Variants in LRRFIP2 observed in about 807,000 individuals in gnomAD.
LRRFIP2 encodes LRR binding FLII interacting protein 2.
A neutral mutation model predicts 125.9 loss-of-function variants in LRRFIP2; 109 were observed. The observed-to-expected ratio is 0.87, with a 90% CI of 0.74 to 1.01. The LOEUF is 1.01. LRRFIP2 is among the 50% of genes least tolerant of loss of function. LRRFIP2 has a pLI of 0.00. For missense variants in LRRFIP2, 850 were observed against 862.3 expected (o/e 0.99, Z 0.18); for synonymous variants, 291 against 293.1 (o/e 0.99, Z 0.07).
chr3:37,133,919 C>G (rs1286779922), intron 2 of LRRFIP2, among the ~76,000 whole-genome samples: 1 of 151,992 alleles, frequency 6.6e-6, no homozygotes, highest in East Asian at 1.9e-4. Context: ...TGATATGACC[C>G]CAACTGTTAT....
intron 15 of LRRFIP2, among the ~76,000 whole-genome samples, chr3:37,097,169 G>C (rs981383821): frequency 6.9e-6 from 1 of 145,438 alleles, no homozygotes. Flanking sequence ...AGGATTTTTT[G>C]TTTTCTCAGT....
chr3:37,113,359 G>C (rs2094626750), intron 7 of LRRFIP2, among the ~76,000 whole-genome samples: 1 of 152,056 alleles, frequency 6.6e-6, no homozygotes, highest in African/African-American at 2.4e-5. Flanking sequence ...CCAGACAGGG[G>C]TATAGTGGTA....
At chr3:37,083,043 C>G (rs2149045124) in intron 19 of LRRFIP2, among the ~76,000 whole-genome samples, 1 of 152,192 alleles carries the variant, frequency 6.6e-6, no homozygotes, top group South Asian at 2.1e-4. Context: ...TTAAAAGAAT[C>G]CAATTTGTTT....
At chr3:37,076,935 C>T (rs552957957) in intron 19 of LRRFIP2, among the ~76,000 whole-genome samples, 13 of 152,068 alleles carry the variant, frequency 8.5e-5, no homozygotes, top group African/African-American at 2.6e-4. Context: ...GCTACGGAAA[C>T]GGACAGTTTA....
chr3:37,146,985 C>T (rs1466076280), intron 2 of LRRFIP2, among the ~76,000 whole-genome samples: 2 of 151,874 alleles, frequency 1.3e-5, no homozygotes, highest in Non-Finnish European at 2.9e-5. Flanking sequence ...GGTCTAATAT[C>T]CAGAATCTAC....
intron 14 of LRRFIP2, among the ~76,000 whole-genome samples, chr3:37,104,507 T>A (rs2094221533): frequency 6.6e-6 from 1 of 152,236 alleles, no homozygotes. Flanking sequence ...CATTTAATGT[T>A]CCCCTTCTCT....
chr3:37,094,820 T>A lies in LRRFIP2; in HGVS notation c.1007A>T (p.Asp336Val). ...RGSGDTSSLI[D>V]PDTSLSELRD... is the part of the protein sequence containing the mutation. ...CAATTCACTTAATGAAGTGTCTGGATCTATTAAGCTGCTGGTGTCCCCACT... is the reference window on the plus strand; with the variant it reads ...CAATTCACTTAATGAAGTGTCTGGAACTATTAAGCTGCTGGTGTCCCCACT... Residue 336 changes from aspartate (D) to valine (V), a missense_variant, in exon 17 of 28, where the codon GAT becomes GTT. Transcript: ENST00000336686. The A allele has an allele frequency of 6.2e-7, 1 of 1,613,660 alleles. No homozygotes were observed. Among genetic ancestry groups the A allele is most frequent in the Non-Finnish European group, 8.5e-7 (1 of 1,179,640 alleles).
chr3:37,068,250 G>A (rs991384062), intron 21 of LRRFIP2: 2 of 152,150 alleles, frequency 1.3e-5, no homozygotes, highest in Admixed American at 6.5e-5. Context: ...GTTATGTCAT[G>A]TATCACCACA....
intron 1 of LRRFIP2, among the ~76,000 whole-genome samples, chr3:37,158,982 A>G (rs931551437): frequency 6.6e-6 from 1 of 152,208 alleles, no homozygotes; most frequent in African/African-American, 2.4e-5. Context: ...TCTGAAGCAC[A>G]AAAGTTTTTA....
chr3:37,164,228 A>AT (rs2096418278), intron 1 of LRRFIP2, among the ~76,000 whole-genome samples: 2 of 152,204 alleles, frequency 1.3e-5, no homozygotes, highest in South Asian at 4.1e-4. Context: ...GATATACCAC[A>AT]TGGCTGATCA....
chr3:37,081,637 A>T (rs2092646515), intron 19 of LRRFIP2, among the ~76,000 whole-genome samples: 1 of 152,102 alleles, frequency 6.6e-6, no homozygotes, highest in African/African-American at 2.4e-5. Context: ...TAATCTCAGC[A>T]CTGTGGGAAG....
intron 6 of LRRFIP2, among the ~76,000 whole-genome samples, chr3:37,121,158 A>C (rs1157126057): frequency 6.6e-6 from 1 of 152,252 alleles, no homozygotes; most frequent in East Asian, 1.9e-4. Flanking sequence ...ATATGAAAGT[A>C]GGGAAAGTCT....
In LRRFIP2 at chr3:37,094,784, C is replaced by A; in HGVS notation, c.1035+8G>T. ...CTTTTAAAAAGAAAACCAAAAACTT[C>A]AGTTTACCCGCAATTCACTTAATGA... is the stretch of plus-strand genomic sequence containing the variant. On this transcript the variant is annotated splice_region_variant and intron_variant, in intron 17 of 27. Coordinates refer to ENST00000336686, the MANE Select transcript of LRRFIP2 (RefSeq NM_006309.4). The A allele has an allele frequency of 6.3e-7, 1 of 1,598,942 alleles. No homozygotes were observed. The highest frequency in any genetic ancestry group is 8.6e-7 in the Non-Finnish European group (1 of 1,167,068).
chr3:37,099,032 A>C (rs2093881507), intron 15 of LRRFIP2, among the ~76,000 whole-genome samples: 1 of 152,206 alleles, frequency 6.6e-6, no homozygotes, highest in Non-Finnish European at 1.5e-5. Flanking sequence ...GCATCACTGA[A>C]CTAATCCATC....
At chr3:37,070,114 CTTTT>C (rs528717261) in intron 21 of LRRFIP2, among the ~76,000 whole-genome samples, 6 of 136,948 alleles carry the variant, frequency 4.4e-5, no homozygotes, top group East Asian at 2.2e-4. Context: ...TAAATTTCCT[CTTTT>C]TTTTTTTTTT....
At chr3:37,080,339 T>G (rs907913281) in intron 19 of LRRFIP2, among the ~76,000 whole-genome samples, 3 of 151,868 alleles carry the variant, frequency 2.0e-5, no homozygotes, top group Non-Finnish European at 4.4e-5. Flanking sequence ...GAGGTTGCAG[T>G]GAGCCGAGAT....
chr3:37,120,143 T>C (rs927327945), intron 6 of LRRFIP2, among the ~76,000 whole-genome samples: 3 of 150,982 alleles, frequency 2.0e-5, no homozygotes, highest in African/African-American at 7.3e-5. Flanking sequence ...GTTTTGCTCT[T>C]GTTGCCTAGG....
chr3:37,168,367 C>T (rs77010876), intron 1 of LRRFIP2, among the ~76,000 whole-genome samples: 3,306 of 152,258 alleles, frequency 0.022, 115 homozygotes, highest in African/African-American at 0.076. Context: ...AATTCTGATA[C>T]ATGCTATGAC....
intron 21 of LRRFIP2, among the ~76,000 whole-genome samples, chr3:37,071,512 A>C (rs907479480): frequency 6.7e-6 from 1 of 148,710 alleles, no homozygotes; most frequent in Non-Finnish European, 1.5e-5. Context: ...CAAACTCTTA[A>C]GAGGTAATGT....
Sources: gnomAD v4.1 joint callset for allele counts (sites outside exome capture counted in the v4.1 genomes callset) on GRCh38, gnomAD v4.1.1 for gene constraint, MANE v1.5 for transcripts, NCBI Gene and HGNC (gene_info 2026-07-23, HGNC 2026-07-21) for gene names.